The following MYOM2 variants were observed in gnomAD, a reference collection of about 807,000 sequenced individuals.
MYOM2 encodes myomesin 2, also known as myomesin-2.
MYOM2 carries 254 observed loss-of-function variants against 187.6 expected under a neutral mutation model. The observed-to-expected ratio is 1.35, with a 90% CI of 1.22 to 1.50. The LOEUF (loss-of-function observed/expected upper bound fraction) is 1.50. Among genes scored for constraint, MYOM2 ranks in the 40% most tolerant of loss-of-function variants. MYOM2 has a pLI of 0.00. For missense variants in MYOM2, 2,796 were observed against 1,924.0 expected (o/e 1.45, Z -8.48); for synonymous variants, 981 against 753.8 (o/e 1.30, Z -4.94).
intron 6 of MYOM2, among the ~76,000 whole-genome samples, chr8:2,064,978 G>C (rs969750006): frequency 6.6e-6 from 1 of 152,240 alleles, no homozygotes; most frequent in East Asian, 1.9e-4. Flanking sequence ...TTCCGTAGAG[G>C]AGAGGCCAGA....
intron 19 of MYOM2, among the ~76,000 whole-genome samples, chr8:2,100,071 T>G: frequency 1.0e-5 from 1 of 99,720 alleles, no homozygotes; most frequent in African/African-American, 3.2e-5. Context: ...CTTCCTTCTT[T>G]CCTTCCTTTC....
intron 25 of MYOM2, among the ~76,000 whole-genome samples, chr8:2,110,009 T>C (rs28710931): frequency 0.17 from 25,674 of 152,094 alleles, 4,180 homozygotes; most frequent in African/African-American, 0.42. Flanking sequence ...GGCAGACTGA[T>C]GTGACAGTGT....
chr8:2,102,248 A>G (rs1796734494), intron 20 of MYOM2: 1 of 157,040 alleles, frequency 6.4e-6, no homozygotes, highest in African/African-American at 2.4e-5. Flanking sequence ...GCAGGTTTTA[A>G]TAAGAATAAC....
rs144162836 is a variant in MYOM2, at chr8:2,085,291, C to T, written c.1545C>T (p.Thr515=). ...EGDAQVPGPP[T]GVHASEISRN... is the part of the protein sequence containing the mutation. ...ACGCCCAGGTTCCAGGGCCTCCCAC[C>T]GGTGTGCACGCTTCCGAGATCAGCA... The change falls in exon 14 of 37, where the codon ACC becomes ACT. Residue 515 remains threonine, a synonymous_variant. Transcript: ENST00000262113. 723 of 1,613,998 alleles carry T rather than the reference C, an allele frequency of 4.5e-4. No individual in the cohort carries two copies. The highest frequency in any genetic ancestry group is 2.2e-3 in the African/African-American group (165 of 75,030).
At chr8:2,138,181 G>C (rs1798146889) in intron 32 of MYOM2, among the ~76,000 whole-genome samples, 1 of 152,218 alleles carries the variant, frequency 6.6e-6, no homozygotes, top group African/African-American at 2.4e-5. Flanking sequence ...ACCACGGATG[G>C]AGACTCTGGC....
At position 2,109,491 on chromosome 8, in the gene MYOM2, A is replaced by G. The variant is rs779042226; in HGVS notation, c.3140A>G (p.Tyr1047Cys). 6.2e-7 allele frequency: 1 copy of G among 1,613,434 alleles called. No individual in the cohort carries two copies. The highest frequency in any genetic ancestry group is 1.1e-5 in the South Asian group (1 of 91,038). Residue 1047 changes from tyrosine (Y) to cysteine (C), a missense_variant, in exon 25 of 37, where the codon TAC becomes TGC. Transcript: ENST00000262113. ...GAGCACTTATCACCAGATGCCAGCT[A>G]CCGATTTATTATTAACGACAGAGAA... The part of the protein sequence containing the change: ...QAEHLSPDAS[Y>C]RFIINDREVS...
At chr8:2,052,431 C>A in intron 3 of MYOM2, 118 bp downstream of exon 3, 2 of 1,129,522 alleles carry the variant, frequency 1.8e-6, no homozygotes, top group Non-Finnish European at 2.4e-6. Context: ...GAACACAGGC[C>A]ATGCCTGGGG....
At chr8:2,089,656 A>G (rs1159910563) in intron 14 of MYOM2, among the ~76,000 whole-genome samples, 2 of 152,220 alleles carry the variant, frequency 1.3e-5, no homozygotes, top group African/African-American at 4.8e-5. Flanking sequence ...ACAGAATTTT[A>G]TGAATATACT....
intron 14 of MYOM2, among the ~76,000 whole-genome samples, chr8:2,088,018 T>C (rs1451108712): frequency 1.3e-5 from 2 of 152,202 alleles, no homozygotes; most frequent in Non-Finnish European, 2.9e-5. Context: ...TCAGTATTGA[T>C]GACATGGCAG....
chr8:2,144,598 C>T, intron 36 of MYOM2, 66 bp from the exon 37 acceptor site: 2 of 1,529,228 alleles, frequency 1.3e-6, no homozygotes, highest in Non-Finnish European at 1.8e-6. Context: ...AGCCCACCGT[C>T]CGAGGGGGTG....
In MYOM2 at chr8:2,106,609, A is replaced by G. The variant is rs759746162; in HGVS notation, c.2998+12A>G. 3.8e-6 allele frequency: 6 copies of G among 1,569,814 alleles called. No homozygotes were observed. Among genetic ancestry groups the G allele is most frequent in the African/African-American group, 2.7e-5 (2 of 73,698 alleles). ...TCTGGACCCAGAAGGTAATATTTAT[A>G]TGGCAGAACCTTGCCTGTTTTGGTT... On this transcript the variant is annotated intron_variant, in intron 23 of 36. Transcript: ENST00000262113.
At chr8:2,122,768 A>G (rs890270282) in intron 28 of MYOM2, among the ~76,000 whole-genome samples, 2 of 152,204 alleles carry the variant, frequency 1.3e-5, no homozygotes, top group African/African-American at 4.8e-5. Flanking sequence ...ATTTCAGTAT[A>G]GGGAAGGTCC....
intron 23 of MYOM2, among the ~76,000 whole-genome samples, chr8:2,106,975 A>G (rs578080980): frequency 6.6e-6 from 1 of 152,326 alleles, no homozygotes; most frequent in South Asian, 2.1e-4. Flanking sequence ...GAGAAATCAG[A>G]TGATCAAAGA....
chr8:2,129,183 TG>T lies in MYOM2; in HGVS notation c.3752del (p.Cys1251PhefsTer3). 6.2e-7 allele frequency: 1 copy of T among 1,612,328 alleles called. No individual in the cohort carries two copies. The highest frequency in any genetic ancestry group is 8.5e-7 in the Non-Finnish European group (1 of 1,178,382). ...CACCCCAGAAGGAATACGACTTCAG[TG>T]TTTCATGAAGTATTTTACAGACGAA... ...LCTPEGIRLQ[C>X]FMKYFTDEMK... is the part of the protein sequence containing the mutation. On this transcript the variant is annotated frameshift_variant, in exon 32 of 37. Coordinates refer to ENST00000262113, the MANE Select transcript of MYOM2 (RefSeq NM_003970.4). LOFTEE classifies it high-confidence loss of function.
chr8:2,068,586 C>G (rs947464521), intron 6 of MYOM2, among the ~76,000 whole-genome samples: 1 of 152,092 alleles, frequency 6.6e-6, no homozygotes, highest in Non-Finnish European at 1.5e-5. Flanking sequence ...CTCTTCAATG[C>G]CCATGTGCAC....
At chr8:2,049,553 C>G (rs1818416612) in intron 1 of MYOM2, among the ~76,000 whole-genome samples, 1 of 152,210 alleles carries the variant, frequency 6.6e-6, no homozygotes, top group Admixed American at 6.5e-5. Flanking sequence ...CCACCCAAGT[C>G]TCATACCCAT....
At chr8:2,086,327 G>A (rs1318011861) in intron 14 of MYOM2, among the ~76,000 whole-genome samples, 2 of 87,010 alleles carry the variant, frequency 2.3e-5, no homozygotes. Context: ...TGATCTCTGC[G>A]TGGCCCCCCA....
chr8:2,050,936 G>A (rs184514619), intron 2 of MYOM2, 63 bp downstream of exon 2: 2 of 1,327,974 alleles, frequency 1.5e-6, no homozygotes, highest in African/African-American at 2.9e-5. Flanking sequence ...ACATTTAAAG[G>A]CTTTTCCAGT....
Position 2,069,281 on chromosome 8 carries a change from A to G in MYOM2, c.657A>G (p.Ala219=). ...YGVHTLEINR[A]DFDDTATYSA... ...CTCTTGTTTTTTTCTCTCCAAGGGC[A>G]GACTTTGACGACACTGCGACATACT... Residue 219 remains alanine (A), a synonymous_variant, in exon 7 of 37, where the codon GCA becomes GCG. Transcript: ENST00000262113. 7 of 1,610,660 alleles carry G rather than the reference A, an allele frequency of 4.3e-6. No homozygotes were observed. The highest frequency in any genetic ancestry group is 1.1e-5 in the South Asian group (1 of 90,908).
Sources: allele counts gnomAD v4.1 joint callset (sites outside exome capture counted in the v4.1 genomes callset), GRCh38; gene constraint gnomAD v4.1.1; transcripts MANE v1.5; gene names NCBI Gene and HGNC (gene_info 2026-07-23, HGNC 2026-07-21).